Variants in TMPRSS15 observed in about 807,000 individuals in gnomAD.
TMPRSS15 encodes enteropeptidase.
In TMPRSS15, 128 loss-of-function variants were observed where a neutral mutation model predicts 125.3. The observed-to-expected ratio is 1.02, with a 90% confidence interval of 0.89 to 1.18. The LOEUF is 1.18. Ranked by LOEUF, TMPRSS15 falls within the 50% of genes most tolerant of loss-of-function variation. TMPRSS15 has a pLI of 0.00. For missense variants in TMPRSS15, 1,283 were observed against 1,212.7 expected, an observed-to-expected ratio of 1.06 and a Z score of -0.86; for synonymous variants, 446 against 423.2, an observed-to-expected ratio of 1.05 and a Z score of -0.66.
At chr21:18,458,449 G>A (rs1188300384) in intron 1 of TMPRSS15, among the ~76,000 whole-genome samples, 1 of 152,152 alleles carries the variant, frequency 6.6e-6, no homozygotes. Flanking sequence ...AATCTCAAGT[G>A]GTTCTCAAAT....
chr21:18,356,977 G>A (rs1317268131), intron 8 of TMPRSS15, among the ~76,000 whole-genome samples: 1 of 151,786 alleles, frequency 6.6e-6, no homozygotes, highest in African/African-American at 2.4e-5. Flanking sequence ...TACCAGCTAA[G>A]CACTTGAGAT....
chr21:18,403,375 G>A (rs2076114577), intron 1 of TMPRSS15, 103 bp downstream of exon 1: 1 of 1,465,488 alleles, frequency 6.8e-7, no homozygotes, highest in Admixed American at 1.7e-5. Flanking sequence ...CCAAAATAAT[G>A]CATTTAGTTG....
chr21:18,384,405 C>T (rs73325910), intron 3 of TMPRSS15, among the ~76,000 whole-genome samples: 3 of 152,066 alleles, frequency 2.0e-5, no homozygotes, highest in African/African-American at 7.2e-5. Flanking sequence ...GTCCATGAGT[C>T]GGGATTGTCT....
rs57558994 is a variant in TMPRSS15 at position 18,447,439 on chromosome 21, C to CAAAAAA, written c.10+38354_10+38359dup. On this transcript the variant is annotated intron_variant, in intron 1 of 7. Transcript: ENST00000422787. ...TGGGCGACAGAGTAAGACTTCAACTCAAAAAAAAAAAAAAAAAAAGACATA... is the reference window on the plus strand; with the variant it reads ...TGGGCGACAGAGTAAGACTTCAACTCAAAAAAAAAAAAAAAAAAAAAAAAAGACATA... 2.4e-4 allele frequency among the ~76,000 whole-genome samples: 21 copies of CAAAAAA among 88,074 alleles called. 1 individual carries two copies. The highest frequency in any genetic ancestry group is 3.1e-4 in the Non-Finnish European group (15 of 47,704). 57.8% of individuals were successfully genotyped at this position (88,074 alleles called of 152,430 possible). A position where few individuals can be genotyped will look rare whatever the true frequency, so the allele number is the denominator to read the frequency against.
intron 21 of TMPRSS15, among the ~76,000 whole-genome samples, chr21:18,288,746 T>C (rs1266618357): frequency 1.3e-5 from 2 of 151,922 alleles, no homozygotes; most frequent in Non-Finnish European, 2.9e-5. Flanking sequence ...TTTCACTGTG[T>C]TGTCCAGGCT....
intron 3 of TMPRSS15, among the ~76,000 whole-genome samples, chr21:18,389,337 T>C (rs2075972495): frequency 6.6e-6 from 1 of 152,100 alleles, no homozygotes; most frequent in Non-Finnish European, 1.5e-5. Flanking sequence ...CTGTATTTGA[T>C]AAGATTAAAA....
At chr21:18,457,734 C>T (rs759125402) in intron 1 of TMPRSS15, among the ~76,000 whole-genome samples, 5 of 152,096 alleles carry the variant, frequency 3.3e-5, no homozygotes, top group African/African-American at 4.8e-5. Context: ...ACAACCTAAG[C>T]CTTCTACTTC....
intron 18 of TMPRSS15, among the ~76,000 whole-genome samples, chr21:18,312,037 C>T (rs1439690634): frequency 6.6e-6 from 1 of 151,894 alleles, no homozygotes; most frequent in East Asian, 1.9e-4. Context: ...CTTTATAGAC[C>T]TCATAGTTTA....
intron 3 of TMPRSS15, 139 bp from the exon 4 acceptor site, chr21:18,383,917 T>C: frequency 1.0e-6 from 1 of 1,002,114 alleles, no homozygotes; most frequent in Middle Eastern, 2.1e-4. Flanking sequence ...AGGTAGTCAC[T>C]TCAAATCTTA....
rs78309520 is a variant in TMPRSS15 at position 18,450,957 on chromosome 21, T to G, written c.10+34842A>C. On this transcript the variant is annotated intron_variant, in intron 1 of 7. Transcript: ENST00000422787. ...TACATTCTTCAGTTGTGTATGATATTCATTAAAAATTCGCTGATTATTCTT... is the reference window on the plus strand; with the variant it reads ...TACATTCTTCAGTTGTGTATGATATGCATTAAAAATTCGCTGATTATTCTT... Among the ~76,000 whole-genome samples the G allele has an allele frequency of 1.2e-4, 19 of 152,338 alleles. No individual in the cohort carries two copies. In the East Asian group the frequency reaches 3.7e-3, roughly 29 times the overall value.
In TMPRSS15 at chr21:18,439,244, A is replaced by T. The variant is rs181711798; in HGVS notation, c.11-40915T>A. Among the ~76,000 whole-genome samples the T allele has an allele frequency of 9.2e-5, 14 of 152,324 alleles. No individual in the cohort carries two copies. In the East Asian group the frequency reaches 2.5e-3, roughly 27 times the overall value. ...TCATTATATTTAAAAATTTCAATTAATTTTGCTAATACCTCATGTTGAAGG... is the reference window on the plus strand; with the variant it reads ...TCATTATATTTAAAAATTTCAATTATTTTTGCTAATACCTCATGTTGAAGG... On this transcript the variant is annotated intron_variant, in intron 1 of 7. Transcript: ENST00000422787.
At chr21:18,485,276 A>AT (rs1979057424) in intron 1 of TMPRSS15, among the ~76,000 whole-genome samples, 1 of 151,732 alleles carries the variant, frequency 6.6e-6, no homozygotes, top group Non-Finnish European at 1.5e-5. Flanking sequence ...AATAATGATA[A>AT]TTTTTTCCTC....
chr21:18,426,854 C>T (rs182139943), intron 1 of TMPRSS15, among the ~76,000 whole-genome samples: 12 of 152,296 alleles, frequency 7.9e-5, no homozygotes, highest in East Asian at 7.7e-4. Flanking sequence ...TCCTAGATGA[C>T]GCACATGCCA....
At chr21:18,314,530 G>A (rs1307187272) in intron 17 of TMPRSS15, among the ~76,000 whole-genome samples, 2 of 151,968 alleles carry the variant, frequency 1.3e-5, no homozygotes, top group Admixed American at 6.6e-5. Context: ...TGCCCACCTC[G>A]GCCTCCCAAA....
chr21:18,312,881 C>T (rs1308805181), intron 18 of TMPRSS15, 64 bp downstream of exon 18: 12 of 1,594,216 alleles, frequency 7.5e-6, no homozygotes, highest in East Asian at 2.2e-5. Context: ...CTTATTAAAC[C>T]TAATTTGATA....
intron 6 of TMPRSS15, among the ~76,000 whole-genome samples, chr21:18,371,610 A>C (rs538295661): frequency 6.6e-6 from 1 of 152,214 alleles, no homozygotes; most frequent in Non-Finnish European, 1.5e-5. Flanking sequence ...AAATATACAA[A>C]TGAAACACAG....
intron 13 of TMPRSS15, among the ~76,000 whole-genome samples, chr21:18,338,965 T>A (rs2075420845): frequency 6.6e-6 from 1 of 152,196 alleles, no homozygotes; most frequent in Non-Finnish European, 1.5e-5. Context: ...CCGTCTTTTA[T>A]CTGCACGCTT....
At chr21:18,414,986 TAA>T (rs2076176342) in intron 1 of TMPRSS15, among the ~76,000 whole-genome samples, 3 of 152,142 alleles carry the variant, frequency 2.0e-5, no homozygotes, top group Admixed American at 1.3e-4. Flanking sequence ...AAACACTGTA[TAA>T]GTGTTTCAAT....
At chr21:18,380,122 GCTTCAT>G (rs2123042786) in intron 4 of TMPRSS15, among the ~76,000 whole-genome samples, 2 of 150,626 alleles carry the variant, frequency 1.3e-5, no homozygotes, top group Non-Finnish European at 3.0e-5. Flanking sequence ...AAGTGCCATA[GCTTCAT>G]CACCAAGGCA....
Sources: allele counts gnomAD v4.1 joint callset (sites outside exome capture counted in the v4.1 genomes callset), GRCh38; gene constraint gnomAD v4.1.1; transcripts MANE v1.5; gene names NCBI Gene and HGNC (gene_info 2026-07-23, HGNC 2026-07-21).